Variants in JMJD1C observed in about 807,000 individuals in gnomAD.
JMJD1C encodes jumonji domain-containing protein 1C.
Under a neutral mutation model 245.3 loss-of-function variants are expected in JMJD1C, and 31 were observed. The ratio of observed to expected loss-of-function variants is 0.13; its 90% CI spans 0.09 to 0.17. JMJD1C has a LOEUF of 0.17. Ranked by LOEUF, JMJD1C falls within the 10% of genes least tolerant of loss-of-function variation. JMJD1C has a pLI of 1.00. For synonymous variants in JMJD1C, 1,057 were observed against 1,017.4 expected (o/e 1.04, Z -0.74); for missense variants, 2,691 against 3,000.2 (o/e 0.90, Z 2.41).
intron 2 of JMJD1C, among the ~76,000 whole-genome samples, chr10:63,300,625 C>T (rs1859968702): frequency 6.6e-6 from 1 of 151,750 alleles, no homozygotes; most frequent in South Asian, 2.1e-4. Flanking sequence ...GGCGTGGTGG[C>T]TCACTTCTGA....
At chr10:63,273,710 A>G (rs2133844251) in intron 2 of JMJD1C, among the ~76,000 whole-genome samples, 1 of 152,218 alleles carries the variant, frequency 6.6e-6, no homozygotes, top group South Asian at 2.1e-4. Context: ...AGGCTAGGGG[A>G]AGAGGAAACT....
At chr10:63,384,083 A>G (rs1027043251) in intron 1 of JMJD1C, among the ~76,000 whole-genome samples, 3 of 152,134 alleles carry the variant, frequency 2.0e-5, no homozygotes, top group Non-Finnish European at 4.4e-5. Context: ...ATTTCAAAAA[A>G]CCATGTTCTT....
intron 1 of JMJD1C, among the ~76,000 whole-genome samples, chr10:63,445,681 T>TATA (rs762382675): frequency 6.6e-6 from 1 of 152,136 alleles, no homozygotes; most frequent in Non-Finnish European, 1.5e-5. Context: ...CTATAGGCAC[T>TATA]ATAGACTTTT....
chr10:63,414,938 G>A (rs200462355), intron 1 of JMJD1C, among the ~76,000 whole-genome samples: 19 of 142,090 alleles, frequency 1.3e-4, no homozygotes, highest in African/African-American at 1.3e-4. Flanking sequence ...CAACACTAGA[G>A]AAAAAAAAAA....
At chr10:63,296,011 A>ATT (rs770550531) in intron 2 of JMJD1C, among the ~76,000 whole-genome samples, 3 of 12,780 alleles carry the variant, frequency 2.3e-4, no homozygotes, top group African/African-American at 8.4e-4. Context: ...GTGTATATAT[A>ATT]TATTTTTTTT....
intron 1 of JMJD1C, among the ~76,000 whole-genome samples, chr10:63,391,909 C>T (rs1948088002): frequency 6.6e-6 from 1 of 152,122 alleles, no homozygotes; most frequent in African/African-American, 2.4e-5. Context: ...ATATTACAAG[C>T]CTACAGTGGC....
At chr10:63,269,181 G>A in intron 2 of JMJD1C, 1 of 985,466 alleles carries the variant, frequency 1.0e-6, no homozygotes, top group Non-Finnish European at 1.2e-6. Context: ...TGGAAACACA[G>A]TGCAGTAGCT....
At chr10:63,425,374 T>G (rs555474575) in intron 1 of JMJD1C, among the ~76,000 whole-genome samples, 1 of 152,228 alleles carries the variant, frequency 6.6e-6, no homozygotes, top group Non-Finnish European at 1.5e-5. Flanking sequence ...TTAGATCTTA[T>G]GAGATTAAAA....
chr10:63,171,286 G>C (rs1842328752), intron 24 of JMJD1C, among the ~76,000 whole-genome samples: 1 of 85,136 alleles, frequency 1.2e-5, no homozygotes, highest in South Asian at 4.4e-4. Flanking sequence ...CTCTGTGGAG[G>C]GATGTACAGG....
At chr10:63,359,933 C>A (rs1026205907) in intron 2 of JMJD1C, among the ~76,000 whole-genome samples, 1 of 151,756 alleles carries the variant, frequency 6.6e-6, no homozygotes, top group Non-Finnish European at 1.5e-5. Flanking sequence ...TTTAAAAATA[C>A]CTTTTGTTCC....
chr10:63,213,753 G>C lies in JMJD1C; in HGVS notation c.2414C>G (p.Thr805Ser), dbSNP rs745869595. Residue 805 changes from threonine (T) to serine (S), a missense_variant, in exon 8 of 26, where the codon ACT becomes AGT. Transcript: ENST00000399262. Reference sequence around the variant, plus strand: ...TGGGTGGCCACCAAGTAAGGAGGCAGTAGGCACTCCAGGTAACACAGTGGG... The same window carrying C: ...TGGGTGGCCACCAAGTAAGGAGGCACTAGGCACTCCAGGTAACACAGTGGG... ...LLPTVLPGVP[T>S]ASLLGGHPRL... 6.2e-7 allele frequency: 1 copy of C among 1,614,180 alleles called. No individual in the cohort carries two copies. The highest frequency in any genetic ancestry group is 1.1e-5 in the South Asian group (1 of 91,088).
chr10:63,495,985 T>C (rs561673931), intron 1 of JMJD1C, among the ~76,000 whole-genome samples: 1 of 151,088 alleles, frequency 6.6e-6, no homozygotes, highest in Non-Finnish European at 1.5e-5. Flanking sequence ...CTAACAGACA[T>C]TATGTTCCTC....
chr10:63,457,904 A>C (rs2133066971), intron 1 of JMJD1C, among the ~76,000 whole-genome samples: 1 of 152,306 alleles, frequency 6.6e-6, no homozygotes, highest in South Asian at 2.1e-4. Flanking sequence ...GCCAGACAAA[A>C]CAGTAAACAG....
At chr10:63,482,802 C>G (rs1362788830) in intron 1 of JMJD1C, among the ~76,000 whole-genome samples, 3 of 152,126 alleles carry the variant, frequency 2.0e-5, no homozygotes, top group African/African-American at 4.8e-5. Flanking sequence ...AAAGAAGCTG[C>G]TGTGCGTGGG....
chr10:63,338,229 G>A (rs1943029178), intron 2 of JMJD1C, among the ~76,000 whole-genome samples: 1 of 152,144 alleles, frequency 6.6e-6, no homozygotes, highest in Non-Finnish European at 1.5e-5. Flanking sequence ...CAAGCTCCTG[G>A]GCTCAAGCCA....
chr10:63,178,835 G>C (rs1436614951), intron 22 of JMJD1C, among the ~76,000 whole-genome samples: 1 of 152,152 alleles, frequency 6.6e-6, no homozygotes, highest in African/African-American at 2.4e-5. Context: ...CTAAGTGTAG[G>C]ACCACAGGAA....
chr10:63,274,814 T>A (rs1440216169), intron 2 of JMJD1C, among the ~76,000 whole-genome samples: 1 of 152,092 alleles, frequency 6.6e-6, no homozygotes, highest in Non-Finnish European at 1.5e-5. Flanking sequence ...GGGTATGCAA[T>A]AGTGAGGAAA....
chr10:63,502,778 A>AT (rs1954601284), intron 1 of JMJD1C, among the ~76,000 whole-genome samples: 1 of 151,540 alleles, frequency 6.6e-6, no homozygotes, highest in East Asian at 1.9e-4. Flanking sequence ...TTTTTATTTT[A>AT]TTTTTTTGAT....
intron 22 of JMJD1C, 102 bp downstream of exon 22, chr10:63,183,345 T>G: frequency 1.9e-6 from 2 of 1,063,774 alleles, no homozygotes; most frequent in South Asian, 3.4e-5. Flanking sequence ...CAATTCTTTT[T>G]GAAATCTTCG....
Sources: allele counts gnomAD v4.1 joint callset (sites outside exome capture counted in the v4.1 genomes callset), GRCh38; gene constraint gnomAD v4.1.1; transcripts MANE v1.5; gene names NCBI Gene and HGNC (gene_info 2026-07-23, HGNC 2026-07-21).